The following REC114 variants were observed in gnomAD, a reference collection of about 807,000 sequenced individuals.
REC114 encodes meiotic recombination protein REC114.
In REC114, 27 loss-of-function variants were observed where a neutral mutation model predicts 31.3. The ratio of observed to expected loss-of-function variants is 0.86; its 90% confidence interval spans 0.64 to 1.19. The LOEUF is 1.19. REC114 is among the 50% of genes most tolerant of loss of function. The pLI, the probability that REC114 is intolerant of heterozygous loss-of-function variation, is 0.00. For synonymous variants in REC114, 134 were observed against 127.7 expected (o/e 1.05, Z -0.33); for missense variants, 344 against 326.9 (o/e 1.05, Z -0.40).
chr15:73,546,717 G>T (rs1218857235), intron 3 of REC114, among the ~76,000 whole-genome samples: 17 of 151,672 alleles, frequency 1.1e-4, no homozygotes, highest in Non-Finnish European at 1.5e-5. Context: ...AAATTGCTGA[G>T]GCAGGAGAAT....
intron 1 of REC114, among the ~76,000 whole-genome samples, chr15:73,464,458 C>T (rs1481272889): frequency 6.6e-6 from 1 of 152,040 alleles, no homozygotes; most frequent in Non-Finnish European, 1.5e-5. Flanking sequence ...TTCTTCATTG[C>T]TTTAGCCCAT....
chr15:73,522,901 C>T (rs1241226571), intron 2 of REC114, among the ~76,000 whole-genome samples: 1 of 152,160 alleles, frequency 6.6e-6, no homozygotes, highest in East Asian at 1.9e-4. Context: ...ATCAGCAATG[C>T]ATGAGTGTTC....
At chr15:73,500,065 C>T (rs1329373289) in intron 2 of REC114, among the ~76,000 whole-genome samples, 1 of 152,010 alleles carries the variant, frequency 6.6e-6, no homozygotes, top group Non-Finnish European at 1.5e-5. Context: ...TCACTGGAGT[C>T]CTCCATGACC....
At chr15:73,558,888 A>C (rs1894520941) in intron 5 of REC114, among the ~76,000 whole-genome samples, 1 of 152,242 alleles carries the variant, frequency 6.6e-6, no homozygotes, top group African/African-American at 2.4e-5. Context: ...TTGCAAAAAA[A>C]TAAAACCCAA....
chr15:73,473,926 GT>G lies in REC114; in HGVS notation c.249+9del. 1 of 1,532,596 alleles carries G rather than the reference GT, an allele frequency of 6.5e-7. No individual in the cohort carries two copies. The highest frequency in any genetic ancestry group is 8.9e-7 in the Non-Finnish European group (1 of 1,119,750). The allele number at this position is 1,532,596 out of a possible 1,614,324, so 94.9% of individuals were successfully genotyped here. A position where few individuals can be genotyped will look rare whatever the true frequency, so the allele number is the denominator to read the frequency against. On this transcript the variant is annotated splice_donor_region_variant and intron_variant, in intron 2 of 5. Coordinates refer to ENST00000331090, the MANE Select transcript of REC114 (RefSeq NM_001042367.2). ...TTCCAAGGACAGACACTACTGGTAG[GT>G]TTTATGCATAACAGTTTAATATGGA...
At chr15:73,472,738 A>G (rs959133187) in intron 1 of REC114, among the ~76,000 whole-genome samples, 1 of 152,116 alleles carries the variant, frequency 6.6e-6, no homozygotes, top group African/African-American at 2.4e-5. Context: ...ATTTTGATTT[A>G]ATTTCTTCGG....
At chr15:73,539,329 C>G (rs1032457568) in intron 2 of REC114, among the ~76,000 whole-genome samples, 2 of 115,128 alleles carry the variant, frequency 1.7e-5, no homozygotes, top group African/African-American at 6.9e-5. Flanking sequence ...CTCACTCTGT[C>G]CCCCAGACTG....
At chr15:73,445,948 G>A (rs1892758759) in intron 1 of REC114, among the ~76,000 whole-genome samples, 1 of 152,224 alleles carries the variant, frequency 6.6e-6, no homozygotes, top group Non-Finnish European at 1.5e-5. Flanking sequence ...ATGGCACTGA[G>A]AGACTTGATT....
chr15:73,501,929 AT>A (rs112460473), intron 2 of REC114, among the ~76,000 whole-genome samples: 7,640 of 152,274 alleles, frequency 0.05, 360 homozygotes, highest in African/African-American at 0.13. Context: ...ATGTAATGAC[AT>A]TTAAGATCAT....
chr15:73,475,893 A>C (rs900170626), intron 2 of REC114, among the ~76,000 whole-genome samples: 1 of 152,190 alleles, frequency 6.6e-6, no homozygotes, highest in Non-Finnish European at 1.5e-5. Context: ...AGCTACATTC[A>C]TGGTAAGTGC....
chr15:73,520,027 T>A (rs1333187653), intron 2 of REC114, among the ~76,000 whole-genome samples: 1 of 152,168 alleles, frequency 6.6e-6, no homozygotes, highest in East Asian at 1.9e-4. Flanking sequence ...TTTTGCAAGA[T>A]GAAAAAGTTC....
intron 1 of REC114, among the ~76,000 whole-genome samples, chr15:73,451,345 A>G (rs1892845025): frequency 1.3e-5 from 2 of 152,260 alleles, no homozygotes; most frequent in African/African-American, 2.4e-5. Context: ...AGAGAATACT[A>G]TAAACACCTC....
chr15:73,474,304 A>G (rs1007585926), intron 2 of REC114, among the ~76,000 whole-genome samples: 2 of 152,234 alleles, frequency 1.3e-5, no homozygotes, highest in African/African-American at 2.4e-5. Flanking sequence ...AAAAGGTGTT[A>G]CTGTTAATTG....
rs374073510 is a variant in REC114 at position 73,496,642 on chromosome 15, G to A, written c.249+22721G>A. 1.3e-3 allele frequency among the ~76,000 whole-genome samples: 185 copies of A among 142,552 alleles called. 7 individuals are homozygous for A. The East Asian group carries it at 0.033, about 26-fold the overall frequency. 93.5% of individuals were successfully genotyped at this position (142,552 alleles called of 152,430 possible). ...CACTCCAGGCTGGATGACACGGTGA[G>A]ACTCCATCCAAAAAAAAAAAAAAAA... On this transcript the variant is annotated intron_variant, in intron 2 of 5. Transcript: ENST00000331090.
At chr15:73,522,922 A>G (rs1235529669) in intron 2 of REC114, among the ~76,000 whole-genome samples, 23 of 152,176 alleles carry the variant, frequency 1.5e-4, no homozygotes, top group Admixed American at 1.5e-3. Context: ...TGTTTGCTTC[A>G]TATCCTCAGC....
chr15:73,464,726 G>T (rs1038542063), intron 1 of REC114, among the ~76,000 whole-genome samples: 8 of 152,222 alleles, frequency 5.3e-5, no homozygotes, highest in African/African-American at 1.9e-4. Flanking sequence ...CCAATTTCTA[G>T]GGACTAGGCT....
chr15:73,538,479 CAG>C (rs1309430686), intron 2 of REC114, among the ~76,000 whole-genome samples: 5 of 109,122 alleles, frequency 4.6e-5, no homozygotes, highest in Non-Finnish European at 9.2e-5. Flanking sequence ...TTTTTTGAGA[CAG>C]AGGCTTGCTC....
At chr15:73,469,965 T>C (rs1893111358) in intron 1 of REC114, among the ~76,000 whole-genome samples, 1 of 152,164 alleles carries the variant, frequency 6.6e-6, no homozygotes, top group African/African-American at 2.4e-5. Flanking sequence ...TTGACTAGCA[T>C]TAGCTTGGTA....
chr15:73,500,334 T>A (rs1167300945), intron 2 of REC114, among the ~76,000 whole-genome samples: 1 of 144,738 alleles, frequency 6.9e-6, no homozygotes, highest in Non-Finnish European at 1.5e-5. Context: ...TCACCCTTTC[T>A]TTCCTTCACA....
Sources: allele counts gnomAD v4.1 joint callset (sites outside exome capture counted in the v4.1 genomes callset), GRCh38; gene constraint gnomAD v4.1.1; transcripts MANE v1.5; gene names NCBI Gene and HGNC (gene_info 2026-07-23, HGNC 2026-07-21).